The following HERC2 variants were observed in gnomAD, a reference collection of about 807,000 sequenced individuals.
The protein encoded by HERC2 is E3 ubiquitin-protein ligase HERC2.
In HERC2, 102 loss-of-function variants were observed where a neutral mutation model predicts 537.7. The ratio of observed to expected loss-of-function variants is 0.19; its 90% CI spans 0.16 to 0.22. The LOEUF (loss-of-function observed/expected upper bound fraction) is 0.22. Among genes scored for constraint, HERC2 ranks in the 10% least tolerant of loss-of-function variants. HERC2 has a pLI of 1.00. For synonymous variants in HERC2, 2,224 were observed against 2,466.2 expected (o/e 0.90, Z 2.91); for missense variants, 4,236 against 6,198.2 (o/e 0.68, Z 10.63).
At chr15:28,270,962 A>G (rs1420687336) in intron 9 of HERC2, 94 bp from the exon 10 acceptor site, 2 of 1,013,988 alleles carry the variant, frequency 2.0e-6, no homozygotes, top group Admixed American at 4.2e-5. Flanking sequence ...TTTGGTATTG[A>G]CTCATTTGAC....
At chr15:28,142,720 C>G in intron 75 of HERC2, 107 bp downstream of exon 75, 1 of 1,241,820 alleles carries the variant, frequency 8.1e-7, no homozygotes, top group Non-Finnish European at 1.1e-6. Context: ...GCAATACCTA[C>G]AGCTGCCCTC....
chr15:28,220,758 T>C (rs1900442910), intron 36 of HERC2, 114 bp from the exon 37 acceptor site: 3 of 811,348 alleles, frequency 3.7e-6, no homozygotes, highest in Admixed American at 1.9e-5. Context: ...GGTCCTTCCA[T>C]GGCTCCCAGC....
intron 48 of HERC2, 125 bp from the exon 49 acceptor site, chr15:28,198,894 T>A: frequency 1.1e-6 from 1 of 902,162 alleles, no homozygotes; most frequent in Non-Finnish European, 1.7e-6. Flanking sequence ...ACGTCTGTAA[T>A]CCTAGCACTT....
intron 5 of HERC2, among the ~76,000 whole-genome samples, chr15:28,276,409 T>C (rs1028628695): frequency 6.6e-6 from 1 of 152,032 alleles, no homozygotes; most frequent in Non-Finnish European, 1.5e-5. Context: ...TCTTTGCTCC[T>C]AAATGAGAAA....
chr15:28,193,800 A>C (rs987195974), intron 52 of HERC2, among the ~76,000 whole-genome samples: 1 of 152,228 alleles, frequency 6.6e-6, no homozygotes, highest in African/African-American at 2.4e-5. Context: ...AAAGTGGTGA[A>C]AGAAAACACC....
At chr15:28,236,149 C>T (rs1391871328) in intron 26 of HERC2, among the ~76,000 whole-genome samples, 3 of 152,016 alleles carry the variant, frequency 2.0e-5, no homozygotes, top group African/African-American at 4.8e-5. Flanking sequence ...ACAGGGTAGA[C>T]GGGTAGAGAT....
intron 84 of HERC2, among the ~76,000 whole-genome samples, 173 bp from the exon 85 acceptor site, chr15:28,124,407 G>T (rs1171401545): frequency 6.6e-6 from 1 of 152,182 alleles, no homozygotes; most frequent in East Asian, 1.9e-4. Flanking sequence ...ATTCTGTCCA[G>T]TTTGACTGTA....
intron 52 of HERC2, 21 bp from the exon 53 acceptor site, chr15:28,192,172 A>T: frequency 6.3e-7 from 1 of 1,599,986 alleles, no homozygotes; most frequent in South Asian, 1.1e-5. Flanking sequence ...ATAGTCAAAA[A>T]GAGAATTAAC....
At chr15:28,151,405 G>A (rs1056036058) in intron 70 of HERC2, among the ~76,000 whole-genome samples, 1 of 152,116 alleles carries the variant, frequency 6.6e-6, no homozygotes, top group Non-Finnish European at 1.5e-5. Flanking sequence ...GGAATTCGAG[G>A]CTACAGTGAG....
At chr15:28,187,171 A>T (rs1896387065) in intron 55 of HERC2, among the ~76,000 whole-genome samples, 1 of 152,216 alleles carries the variant, frequency 6.6e-6, no homozygotes, top group Non-Finnish European at 1.5e-5. Flanking sequence ...AAATCAGAAC[A>T]AATAGTACAA....
At chr15:28,215,049 T>A (rs1368630317) in intron 39 of HERC2, among the ~76,000 whole-genome samples, 2 of 152,010 alleles carry the variant, frequency 1.3e-5, no homozygotes, top group Non-Finnish European at 2.9e-5. Context: ...TCATTTTTTT[T>A]TGGATTTTTG....
chr15:28,290,646 A>G (rs1394821270), intron 4 of HERC2, among the ~76,000 whole-genome samples: 1 of 152,272 alleles, frequency 6.6e-6, no homozygotes, highest in Non-Finnish European at 1.5e-5. Flanking sequence ...TAATTTAGAA[A>G]TTAACAGGAG....
chr15:28,198,419 T>G lies in HERC2; in HGVS notation c.7970A>C (p.Lys2657Thr). ...VKASVTTPKY[K>T]WGSVTHQSVG... The stretch of plus-strand genomic sequence containing the variant: ...ACTCTGATGAGTCACAGATCCCCAT[T>G]TGTATTTTGGTGTGGTGACAGAGGC... The change falls in exon 50 of 93, where the codon AAA becomes ACA. Residue 2657 changes from lysine (K) to threonine (T), a missense_variant. Physicochemically the swap from Lys to Thr is moderately conservative, Grantham distance 78. Transcript: ENST00000261609. The G allele has an allele frequency of 1.2e-6, 2 of 1,613,188 alleles. No individual in the cohort carries two copies. Among genetic ancestry groups the G allele is most frequent in the East Asian group, 2.2e-5 (1 of 44,882 alleles).
At chr15:28,312,794 T>C (rs2141285447) in intron 2 of HERC2, 1 of 980,280 alleles carries the variant, frequency 1.0e-6, no homozygotes, top group Non-Finnish European at 1.2e-6. Flanking sequence ...TTGGTTCAGA[T>C]CCCAGAAGCT....
chr15:28,138,515 T>G (rs2142216040), intron 78 of HERC2, among the ~76,000 whole-genome samples: 1 of 152,214 alleles, frequency 6.6e-6, no homozygotes, highest in Non-Finnish European at 1.5e-5. Context: ...GAACAAAACC[T>G]GGAAGTCAGC....
intron 52 of HERC2, among the ~76,000 whole-genome samples, chr15:28,193,269 A>G (rs553574020): frequency 5.9e-5 from 9 of 152,336 alleles, no homozygotes; most frequent in Non-Finnish European, 8.8e-5. Context: ...CTGTGTTCAA[A>G]AAGATAATAT....
At chr15:28,150,512 C>T (rs1162178401) in intron 70 of HERC2, among the ~76,000 whole-genome samples, 3 of 150,686 alleles carry the variant, frequency 2.0e-5, no homozygotes, top group African/African-American at 7.3e-5. Context: ...AGAATATCAC[C>T]GAGAACAGCC....
chr15:28,238,460 T>C, intron 24 of HERC2, 142 bp downstream of exon 24: 1 of 727,328 alleles, frequency 1.4e-6, no homozygotes, highest in Non-Finnish European at 2.3e-6. Flanking sequence ...AATTTGTTGA[T>C]AAGACAGACA....
Position 28,176,532 on chromosome 15 carries a change from G to A in HERC2, c.9582C>T (p.Asn3194=), listed in dbSNP as rs765934943. Reference sequence around the variant, plus strand: ...TTAGTCTCTCAATGTTCTGGGGAATGTTACAGCCTTCACTTCCGCCCCGGC... The same window carrying A: ...TTAGTCTCTCAATGTTCTGGGGAATATTACAGCCTTCACTTCCGCCCCGGC... ...KLGRGGSEGC[N]IPQNIERLNG... The change falls in exon 63 of 93, where the codon AAC becomes AAT. Residue 3194 remains asparagine, a synonymous_variant. Coordinates refer to ENST00000261609, the MANE Select transcript of HERC2 (RefSeq NM_004667.6). The surrounding 1 kb of genome is among the most constrained non-coding windows in gnomAD (Gnocchi z 5.0). 4 of 1,614,170 alleles carry A rather than the reference G, an allele frequency of 2.5e-6. No individual in the cohort carries two copies. Among genetic ancestry groups the A allele is most frequent in the Non-Finnish European group, 2.5e-6 (3 of 1,180,026 alleles).
Sources: gnomAD v4.1 joint callset for allele counts (sites outside exome capture counted in the v4.1 genomes callset) on GRCh38, gnomAD v4.1.1 for gene constraint, Gnocchi (gnomAD v3.1) non-coding constraint, MANE v1.5 for transcripts, NCBI Gene and HGNC (gene_info 2026-07-23, HGNC 2026-07-21) for gene names.